The following ARHGAP22 variants were observed in gnomAD, a reference collection of about 807,000 sequenced individuals.
ARHGAP22 encodes the protein Rho GTPase activating protein 22, also known as rho GTPase-activating protein 22.
A neutral mutation model predicts 59.1 loss-of-function variants in ARHGAP22; 48 were observed. The observed-to-expected ratio is 0.81, with a 90% CI of 0.64 to 1.03. ARHGAP22 has a LOEUF of 1.03. ARHGAP22 is among the 50% of genes least tolerant of loss of function. The pLI is 0.00. For missense variants in ARHGAP22, 1,015 were observed against 958.7 expected, an observed-to-expected ratio of 1.06 and a Z score of -0.78; for synonymous variants, 445 against 416.4, an observed-to-expected ratio of 1.07 and a Z score of -0.84.
intron 8 of ARHGAP22, among the ~76,000 whole-genome samples, chr10:48,452,020 A>T (rs911155099): frequency 6.6e-6 from 1 of 151,568 alleles, no homozygotes; most frequent in South Asian, 2.1e-4. Context: ...CCCATACACA[A>T]CTGCACACAT....
chr10:48,612,667 G>T (rs776807309), intron 1 of ARHGAP22, among the ~76,000 whole-genome samples: 15 of 152,190 alleles, frequency 9.9e-5, no homozygotes, highest in African/African-American at 3.6e-4. Context: ...GCTTACAAAG[G>T]ATTTTTCCAA....
At chr10:48,479,461 G>T in intron 4 of ARHGAP22, 175 bp downstream of exon 4, 2 of 1,163,382 alleles carry the variant, frequency 1.7e-6, no homozygotes, top group Non-Finnish European at 2.4e-6. Context: ...GTACACGGCA[G>T]CCGTTGGGTG....
chr10:48,528,756 C>T (rs2054559997), intron 3 of ARHGAP22, among the ~76,000 whole-genome samples: 1 of 152,130 alleles, frequency 6.6e-6, no homozygotes, highest in African/African-American at 2.4e-5. Flanking sequence ...AGTTCTCACT[C>T]TGGTAGTTCA....
chr10:48,468,247 G>T (rs1287408913), intron 4 of ARHGAP22, among the ~76,000 whole-genome samples: 1 of 152,170 alleles, frequency 6.6e-6, no homozygotes, highest in African/African-American at 2.4e-5. Context: ...AAGATGTCCT[G>T]ATCCCTGGAA....
In ARHGAP22 at chr10:48,578,205, C is replaced by CA. The variant is rs566298731; in HGVS notation, c.234+4747dup. Among the ~76,000 whole-genome samples the CA allele has an allele frequency of 1.2e-4, 19 of 152,212 alleles. No individual in the cohort carries two copies. The South Asian group carries it at 3.9e-3, about 32-fold the overall frequency. On this transcript the variant is annotated intron_variant, in intron 2 of 9. Coordinates refer to ENST00000249601, the MANE Select transcript of ARHGAP22 (RefSeq NM_021226.4). ...AGAGATATCTAGTCCTGCCAAGCCC[C>CA]AAGTCTTTGAGGGGTTTTGTTTTGC...
At chr10:48,604,403 A>T (rs1589129666) in intron 1 of ARHGAP22, among the ~76,000 whole-genome samples, 1 of 152,380 alleles carries the variant, frequency 6.6e-6, no homozygotes, top group East Asian at 1.9e-4. Flanking sequence ...TGTGTTGGCC[A>T]CAGGGCAAAT....
rs1055912598 is a variant in ARHGAP22, at chr10:48,446,205, G to C, written c.*186C>G. ...CACCAGGAACTGCATGGTTGGAGCAGCATCTGATCCCACCTGGAGTGTGTG... is the reference window on the plus strand; with the variant it reads ...CACCAGGAACTGCATGGTTGGAGCACCATCTGATCCCACCTGGAGTGTGTG... On this transcript the variant is annotated 3_prime_UTR_variant, in exon 10 of 10. Coordinates refer to ENST00000249601, the MANE Select transcript of ARHGAP22 (RefSeq NM_021226.4). The C allele has an allele frequency of 2.0e-4, 125 of 626,664 alleles. No individual in the cohort carries two copies. The Admixed American group carries it at 2.6e-3, about 13-fold the overall frequency. The allele number at this position is 626,664 out of a possible 1,614,324, so 38.8% of individuals were successfully genotyped here. A position where few individuals can be genotyped will look rare whatever the true frequency, so the allele number is the denominator to read the frequency against.
chr10:48,459,074 C>G (rs927882842), intron 5 of ARHGAP22, among the ~76,000 whole-genome samples: 2 of 152,184 alleles, frequency 1.3e-5, no homozygotes, highest in Non-Finnish European at 2.9e-5. Flanking sequence ...AAAAACTGCC[C>G]CATAATGGGT....
At chr10:48,528,207 C>T (rs2054506323) in intron 3 of ARHGAP22, among the ~76,000 whole-genome samples, 2 of 152,128 alleles carry the variant, frequency 1.3e-5, no homozygotes, top group South Asian at 4.1e-4. Context: ...TCAGGACCTG[C>T]CCTCCATAGT....
At chr10:48,556,092 G>A (rs1032680541) in intron 2 of ARHGAP22, among the ~76,000 whole-genome samples, 7 of 152,194 alleles carry the variant, frequency 4.6e-5, no homozygotes, top group African/African-American at 1.4e-4. Flanking sequence ...GCATGTGTAT[G>A]CATGACAGAG....
rs369060127 is a variant in ARHGAP22 at position 48,453,565 on chromosome 10, G to A, written c.867-140C>T. 184 of 1,303,654 alleles carry A rather than the reference G, an allele frequency of 1.4e-4. 1 individual carries two copies. The African/African-American group carries it at 2.5e-3, about 18-fold the overall frequency. The allele number at this position is 1,303,654 out of a possible 1,614,324, so 80.8% of individuals were successfully genotyped here. On this transcript the variant is annotated intron_variant, in intron 7 of 9. Transcript: ENST00000249601. ...TGCCCACTGGGTGTAGCCTGCCTCT[G>A]CCAGGCTCGATGAGGGAAGGCTTCC...
At chr10:48,431,988 T>G in the ARHGAP22 span, among the ~76,000 whole-genome samples, 8 of 152,312 alleles carry the variant, frequency 5.3e-5, no homozygotes, top group Non-Finnish European at 1.2e-4. Flanking sequence ...TTCAGAAATT[T>G]GAAGTAACAT....
chr10:48,643,607 T>G (rs111302364), intron 1 of ARHGAP22, among the ~76,000 whole-genome samples: 6,927 of 139,108 alleles, frequency 0.05, 496 homozygotes, highest in African/African-American at 0.17. Flanking sequence ...CTGTCATGGG[T>G]TGGTGGGAGG....
At chr10:48,504,515 C>T (rs2051875924) in intron 3 of ARHGAP22, among the ~76,000 whole-genome samples, 1 of 152,154 alleles carries the variant, frequency 6.6e-6, no homozygotes, top group Admixed American at 6.5e-5. Flanking sequence ...CAGGAAAAGC[C>T]ACTCTGGGGA....
chr10:48,548,546 C>T (rs576376246), intron 3 of ARHGAP22, among the ~76,000 whole-genome samples: 4 of 152,182 alleles, frequency 2.6e-5, no homozygotes, highest in Non-Finnish European at 5.9e-5. Context: ...CAAACATGGC[C>T]GTTTTTTGGG....
Position 48,446,279 on chromosome 10 carries a change from C to G in ARHGAP22, c.*112G>C, listed in dbSNP as rs1589378184. 2.6e-6 allele frequency: 3 copies of G among 1,149,360 alleles called. No homozygotes were observed. The East Asian group carries it at 7.2e-5, about 28-fold the overall frequency. 71.2% of individuals were successfully genotyped at this position (1,149,360 alleles called of 1,614,324 possible). A position where few individuals can be genotyped will look rare whatever the true frequency, so the allele number is the denominator to read the frequency against. ...CCCACAGAGGTATCAGGATCTCTCT[C>G]TCTCCAGCTGGCTCCAGAGCGCCTG... On this transcript the variant is annotated 3_prime_UTR_variant, in exon 10 of 10. Transcript: ENST00000249601.
chr10:48,628,608 T>C (rs1315970728), intron 1 of ARHGAP22, among the ~76,000 whole-genome samples: 1 of 152,218 alleles, frequency 6.6e-6, no homozygotes, highest in Non-Finnish European at 1.5e-5. Flanking sequence ...AAATCTGCTT[T>C]CAAGGCATTT....
At chr10:48,576,497 G>A (rs763244340) in intron 2 of ARHGAP22, among the ~76,000 whole-genome samples, 5 of 152,212 alleles carry the variant, frequency 3.3e-5, no homozygotes, top group Admixed American at 2.6e-4. Context: ...CAGAAAAAAT[G>A]CAAGCTGACC....
intron 3 of ARHGAP22, chr10:48,546,682 A>C (rs1380117671): frequency 1.8e-5 from 3 of 165,588 alleles, no homozygotes; most frequent in Non-Finnish European, 4.1e-5. Flanking sequence ...TTGAACTCTG[A>C]GGTTACTTAC....
Sources: allele counts gnomAD v4.1 joint callset (sites outside exome capture counted in the v4.1 genomes callset), GRCh38; gene constraint gnomAD v4.1.1; transcripts MANE v1.5; gene names NCBI Gene and HGNC (gene_info 2026-07-23, HGNC 2026-07-21).